Variants in ANKS1B observed in about 807,000 individuals in gnomAD.
The protein encoded by ANKS1B is ankyrin repeat and sterile alpha motif domain-containing protein 1B.
Under a neutral mutation model 148.3 loss-of-function variants are expected in ANKS1B, and 36 were observed. The ratio of observed to expected loss-of-function variants is 0.24; its 90% CI spans 0.19 to 0.32. ANKS1B has a LOEUF of 0.32. Ranked by LOEUF, ANKS1B falls within the 10% of genes least tolerant of loss-of-function variation. The pLI is 1.00. For synonymous variants in ANKS1B, 542 were observed against 560.8 expected (o/e 0.97, Z 0.47); for missense variants, 1,157 against 1,542.6 (o/e 0.75, Z 4.19).
At chr12:98,939,030 CCT>C (rs2099829237) in intron 17 of ANKS1B, among the ~76,000 whole-genome samples, 1 of 152,140 alleles carries the variant, frequency 6.6e-6, no homozygotes, top group Admixed American at 6.6e-5. Flanking sequence ...TTTTTTCCTC[CCT>C]CTCTTTTTCA....
chr12:99,660,711 T>A (rs2098473233), intron 8 of ANKS1B, among the ~76,000 whole-genome samples: 1 of 152,170 alleles, frequency 6.6e-6, no homozygotes, highest in Admixed American at 6.5e-5. Flanking sequence ...TTCACAGTGA[T>A]CAGAGAAATG....
At chr12:99,983,045 A>T (rs76963769) in intron 1 of ANKS1B, among the ~76,000 whole-genome samples, 5,140 of 152,278 alleles carry the variant, frequency 0.034, 137 homozygotes, top group South Asian at 0.071. Context: ...AACAGTTTTT[A>T]AAAAACCAGG....
At chr12:99,902,750 C>T (rs1404916365) in intron 1 of ANKS1B, among the ~76,000 whole-genome samples, 2 of 145,260 alleles carry the variant, frequency 1.4e-5, no homozygotes, top group African/African-American at 2.6e-5. Context: ...AGCTGTTATA[C>T]ACTTTTTTTT....
chr12:99,645,428 G>T (rs2153426647), intron 9 of ANKS1B, among the ~76,000 whole-genome samples: 1 of 152,162 alleles, frequency 6.6e-6, no homozygotes, highest in East Asian at 1.9e-4. Context: ...TGGGAGAGAG[G>T]GGGAAAGCTA....
chr12:99,629,526 A>G (rs1185099465), intron 9 of ANKS1B, among the ~76,000 whole-genome samples: 2 of 152,262 alleles, frequency 1.3e-5, no homozygotes, highest in South Asian at 2.1e-4. Context: ...TATAAATAGT[A>G]TATGTCATTA....
chr12:99,268,664 A>G (rs1345603596), intron 12 of ANKS1B, among the ~76,000 whole-genome samples: 1 of 152,238 alleles, frequency 6.6e-6, no homozygotes, highest in African/African-American at 2.4e-5. Context: ...TGGTAGTGAT[A>G]TAAAGAAATG....
rs189765205 is a variant in ANKS1B, at chr12:99,083,531, G to T, written c.2625+1394C>A. 7.7e-4 allele frequency among the ~76,000 whole-genome samples: 117 copies of T among 152,132 alleles called. 1 individual carries two copies. The highest frequency in any genetic ancestry group is 2.8e-3 in the African/African-American group (115 of 41,532). On this transcript the variant is annotated intron_variant, in intron 16 of 26. Coordinates refer to ENST00000683438, the MANE Select transcript of ANKS1B (RefSeq NM_001352186.2). ...CACACTGACCCAACCTACTTTTTCT[G>T]CTTTATCTCTGACTACACACTTCTC...
At chr12:98,790,287 G>T (rs960212829) in intron 22 of ANKS1B, among the ~76,000 whole-genome samples, 1 of 152,096 alleles carries the variant, frequency 6.6e-6, no homozygotes, top group Non-Finnish European at 1.5e-5. Flanking sequence ...AGAGTACAGG[G>T]TATGTTTGGA....
At chr12:99,279,267 A>G (rs1471339031) in intron 12 of ANKS1B, among the ~76,000 whole-genome samples, 3 of 152,218 alleles carry the variant, frequency 2.0e-5, no homozygotes, top group African/African-American at 7.2e-5. Context: ...AAGAAAAATT[A>G]ATTGAATTAC....
intron 17 of ANKS1B, among the ~76,000 whole-genome samples, chr12:98,853,526 A>G (rs758074763): frequency 6.6e-6 from 1 of 152,192 alleles, no homozygotes; most frequent in Non-Finnish European, 1.5e-5. Flanking sequence ...GTATGTAACT[A>G]CAAGAACTTT....
rs544077600 is a variant in ANKS1B at position 99,463,828 on chromosome 12, C to T, written c.1439-20019G>A. 2.7e-3 allele frequency among the ~76,000 whole-genome samples: 416 copies of T among 152,326 alleles called. 2 individuals are homozygous for T. Among genetic ancestry groups the T allele is most frequent in the African/African-American group, 9.5e-3 (393 of 41,568 alleles). On this transcript the variant is annotated intron_variant, in intron 10 of 26. Transcript: ENST00000683438. ...GGAGCCCACCACAGCTCAAGGAGGC[C>T]TGCCTGCCTCTGTAGGCTCCACCTC...
intron 11 of ANKS1B, among the ~76,000 whole-genome samples, chr12:99,414,571 T>C (rs572895910): frequency 1.4e-4 from 22 of 152,142 alleles, no homozygotes; most frequent in Non-Finnish European, 2.8e-4. Flanking sequence ...CTCAGCAAAC[T>C]AACACAGGAA....
chr12:98,815,461 T>C (rs1302204209), intron 19 of ANKS1B, among the ~76,000 whole-genome samples: 1 of 152,236 alleles, frequency 6.6e-6, no homozygotes, highest in Non-Finnish European at 1.5e-5. Flanking sequence ...TTCTTGGCTA[T>C]ACTAGGTGGT....
At chr12:99,153,954 C>A (rs1193539027) in intron 15 of ANKS1B, among the ~76,000 whole-genome samples, 1 of 152,080 alleles carries the variant, frequency 6.6e-6, no homozygotes, top group Non-Finnish European at 1.5e-5. Flanking sequence ...GTGATATAAT[C>A]CGAGTATTCT....
chr12:99,645,049 T>A (rs2098346848), intron 9 of ANKS1B, among the ~76,000 whole-genome samples: 1 of 152,190 alleles, frequency 6.6e-6, no homozygotes, highest in Non-Finnish European at 1.5e-5. Flanking sequence ...TCTGCAAAGT[T>A]CCTCTGCCAC....
intron 9 of ANKS1B, among the ~76,000 whole-genome samples, chr12:99,610,927 T>G (rs1296502655): frequency 1.3e-5 from 2 of 152,044 alleles, no homozygotes; most frequent in African/African-American, 4.8e-5. Context: ...AGGCAGTATC[T>G]TTGAGATAAG....
At chr12:98,852,119 C>T (rs1231835804) in intron 17 of ANKS1B, among the ~76,000 whole-genome samples, 2 of 148,862 alleles carry the variant, frequency 1.3e-5, no homozygotes, top group Non-Finnish European at 3.0e-5. Context: ...TGAGAATGGG[C>T]TGCAGTGGGG....
chr12:99,193,039 A>T (rs1270039032), intron 14 of ANKS1B, among the ~76,000 whole-genome samples: 1 of 152,194 alleles, frequency 6.6e-6, no homozygotes, highest in Non-Finnish European at 1.5e-5. Context: ...CTCTTAGACA[A>T]CCTGTTGTCA....
intron 8 of ANKS1B, among the ~76,000 whole-genome samples, chr12:99,770,105 G>C (rs531898536): frequency 1.3e-5 from 2 of 152,332 alleles, no homozygotes; most frequent in Non-Finnish European, 2.9e-5. Context: ...CACTGGCTCA[G>C]AGTTTGAATC....
Sources: allele counts gnomAD v4.1 joint callset (sites outside exome capture counted in the v4.1 genomes callset), GRCh38; gene constraint gnomAD v4.1.1; transcripts MANE v1.5; gene names NCBI Gene and HGNC (gene_info 2026-07-23, HGNC 2026-07-21).